Variants in C8orf34 observed in about 807,000 individuals in gnomAD.
C8orf34 encodes uncharacterized protein C8orf34.
C8orf34 carries 65 observed loss-of-function variants against 68.3 expected under a neutral mutation model. That is an observed-to-expected ratio of 0.95 (90% CI 0.78 to 1.17). The LOEUF is 1.17. Among genes scored for constraint, C8orf34 ranks in the 50% most tolerant of loss-of-function variants. The pLI, the probability that C8orf34 is intolerant of heterozygous loss-of-function variation, is 0.00. For missense variants in C8orf34, 664 were observed against 655.4 expected (o/e 1.01, Z -0.14); for synonymous variants, 244 against 241.2 (o/e 1.01, Z -0.11).
chr8:68,705,567 G>A (rs1821138543), intron 8 of C8orf34, among the ~76,000 whole-genome samples: 1 of 152,120 alleles, frequency 6.6e-6, no homozygotes, highest in South Asian at 2.1e-4. Context: ...CTCAGTGGTA[G>A]AGGCAGAAAC....
chr8:68,473,522 C>T (rs980031411), intron 4 of C8orf34, among the ~76,000 whole-genome samples: 1 of 152,188 alleles, frequency 6.6e-6, no homozygotes, highest in African/African-American at 2.4e-5. Flanking sequence ...ATTGCCACAA[C>T]TGCCAGCATT....
chr8:68,693,419 T>C (rs189742901), intron 8 of C8orf34, among the ~76,000 whole-genome samples: 1 of 152,196 alleles, frequency 6.6e-6, no homozygotes, highest in African/African-American at 2.4e-5. Flanking sequence ...TTGGGGACAA[T>C]TTCTTTACCT....
chr8:68,613,128 G>A (rs1247615833), intron 7 of C8orf34, among the ~76,000 whole-genome samples: 2 of 152,060 alleles, frequency 1.3e-5, no homozygotes, highest in Non-Finnish European at 2.9e-5. Flanking sequence ...AACACACATA[G>A]CTGGTGGGTT....
chr8:68,710,529 C>T (rs1174594285), intron 9 of C8orf34, among the ~76,000 whole-genome samples: 1 of 152,034 alleles, frequency 6.6e-6, no homozygotes, highest in African/African-American at 2.4e-5. Flanking sequence ...TCCTTGGCGA[C>T]CTGTATGACT....
rs1183220946 is a variant in C8orf34 at position 68,583,478 on chromosome 8, G to A, written c.1105+50329G>A. 4.6e-5 allele frequency among the ~76,000 whole-genome samples: 7 copies of A among 152,062 alleles called. No individual in the cohort carries two copies. The South Asian group carries it at 6.2e-4, about 14-fold the overall frequency. ...ATCCAATTCTCTCTGAATCTAAAAC[G>A]TATTCCCTATTCACTCTATGGTGCT... On this transcript the variant is annotated intron_variant, in intron 7 of 13. Coordinates refer to ENST00000518698, the MANE Select transcript of C8orf34 (RefSeq NM_052958.4).
At chr8:68,799,016 AT>A (rs1563676497) in intron 12 of C8orf34, among the ~76,000 whole-genome samples, 1 of 152,204 alleles carries the variant, frequency 6.6e-6, no homozygotes, top group African/African-American at 2.4e-5. Context: ...AGAAAATGTC[AT>A]AACAAGCATC....
intron 12 of C8orf34, among the ~76,000 whole-genome samples, chr8:68,789,643 C>G (rs77973819): frequency 6.6e-6 from 1 of 151,998 alleles, no homozygotes; most frequent in African/African-American, 2.4e-5. Flanking sequence ...GGTCCATTCC[C>G]TTTTTCATCT....
intron 1 of C8orf34, among the ~76,000 whole-genome samples, chr8:68,332,499 C>T (rs1262412308): frequency 2.1e-5 from 3 of 144,288 alleles, no homozygotes; most frequent in Non-Finnish European, 4.6e-5. Flanking sequence ...GGCAGAATCG[C>T]GGCAAGTGGA....
chr8:68,355,305 A>G (rs546401737), intron 1 of C8orf34, among the ~76,000 whole-genome samples: 7 of 152,230 alleles, frequency 4.6e-5, no homozygotes, highest in Admixed American at 1.3e-4. Flanking sequence ...TGACACAGCT[A>G]TATCTGGGAG....
chr8:68,640,591 T>A, intron 8 of C8orf34, 80 bp downstream of exon 8: 4 of 1,354,074 alleles, frequency 3.0e-6, no homozygotes, highest in Non-Finnish European at 2.0e-6. Flanking sequence ...AAGATTGTAC[T>A]CTTCTGTGTT....
intron 7 of C8orf34, among the ~76,000 whole-genome samples, chr8:68,540,841 C>T (rs1268974579): frequency 1.1e-3 from 2 of 1,810 alleles, no homozygotes; most frequent in Non-Finnish European, 2.5e-3. Context: ...GACTGCGTCT[C>T]AAACAAAAAA....
At chr8:68,678,829 T>C (rs1820273402) in intron 8 of C8orf34, among the ~76,000 whole-genome samples, 1 of 146,028 alleles carries the variant, frequency 6.8e-6, no homozygotes. Flanking sequence ...GATATGATCT[T>C]ATATTTGGAA....
intron 11 of C8orf34, among the ~76,000 whole-genome samples, chr8:68,782,575 C>CAA (rs1823711150): frequency 6.6e-6 from 1 of 151,900 alleles, no homozygotes; most frequent in African/African-American, 2.4e-5. Flanking sequence ...CCATTCTATC[C>CAA]CAAAAGAGAC....
intron 5 of C8orf34, among the ~76,000 whole-genome samples, chr8:68,521,194 A>G (rs1814740722): frequency 6.6e-6 from 1 of 152,210 alleles, no homozygotes; most frequent in South Asian, 2.1e-4. Flanking sequence ...CCCTAGCAAT[A>G]CATGTATTCA....
chr8:68,676,179 G>GA (rs745740825), intron 8 of C8orf34, among the ~76,000 whole-genome samples: 4 of 151,904 alleles, frequency 2.6e-5, no homozygotes, highest in Non-Finnish European at 4.4e-5. Context: ...ACAAAAAACA[G>GA]AAAAATTATC....
At chr8:68,547,265 G>A (rs190306869) in intron 7 of C8orf34, among the ~76,000 whole-genome samples, 21 of 151,850 alleles carry the variant, frequency 1.4e-4, no homozygotes, top group Admixed American at 1.2e-3. Flanking sequence ...ATGTATGCCA[G>A]CAAATTTGCC....
chr8:68,582,349 T>A (rs1449285484), intron 7 of C8orf34, among the ~76,000 whole-genome samples: 1 of 152,142 alleles, frequency 6.6e-6, no homozygotes, highest in African/African-American at 2.4e-5. Flanking sequence ...TATAGGATAT[T>A]ACCCCTCTGG....
chr8:68,353,370 G>A (rs1403967214), intron 1 of C8orf34, among the ~76,000 whole-genome samples: 2 of 151,890 alleles, frequency 1.3e-5, no homozygotes, highest in Non-Finnish European at 2.9e-5. Flanking sequence ...TGGAGGGATG[G>A]GGGAAGTTTA....
At chr8:68,442,196 T>G (rs1810938374) in intron 2 of C8orf34, among the ~76,000 whole-genome samples, 1 of 151,514 alleles carries the variant, frequency 6.6e-6, no homozygotes, top group Non-Finnish European at 1.5e-5. Flanking sequence ...GGTTGGGGGG[T>G]CAGATAGGGA....
Sources: allele counts gnomAD v4.1 joint callset (sites outside exome capture counted in the v4.1 genomes callset), GRCh38; gene constraint gnomAD v4.1.1; transcripts MANE v1.5; gene names NCBI Gene and HGNC (gene_info 2026-07-23, HGNC 2026-07-21).